Variants in NRG2 observed in about 807,000 individuals in gnomAD.
The protein encoded by NRG2 is neuregulin 2, also known as pro-neuregulin-2, membrane-bound isoform.
A neutral mutation model predicts 73.9 loss-of-function variants in NRG2; 27 were observed. The ratio of observed to expected loss-of-function variants is 0.37; its 90% CI spans 0.27 to 0.50. The LOEUF (loss-of-function observed/expected upper bound fraction) is 0.50, where lower values mean the gene tolerates loss of function less well. NRG2 is among the 20% of genes least tolerant of loss of function. The pLI is 0.96. For synonymous variants in NRG2, 532 were observed against 541.0 expected (o/e 0.98, Z 0.23); for missense variants, 1,126 against 1,210.1 (o/e 0.93, Z 1.03).
At chr5:139,979,462 G>A (rs995428636) in intron 1 of NRG2, among the ~76,000 whole-genome samples, 4 of 152,142 alleles carry the variant, frequency 2.6e-5, no homozygotes, top group African/African-American at 7.2e-5. Flanking sequence ...TCAGCCTCCC[G>A]AAAATCTCCA....
At chr5:139,965,666 G>A (rs1755450040) in intron 1 of NRG2, among the ~76,000 whole-genome samples, 1 of 152,236 alleles carries the variant, frequency 6.6e-6, no homozygotes, top group Admixed American at 6.5e-5. Flanking sequence ...GAGCAGCAAA[G>A]CACAGGGCTA....
chr5:139,951,820 C>T (rs1456939627), intron 1 of NRG2, among the ~76,000 whole-genome samples: 1 of 152,246 alleles, frequency 6.6e-6, no homozygotes, highest in Admixed American at 6.5e-5. Context: ...CTGGCTCACC[C>T]AGGCAGCCTG....
At chr5:140,015,869 C>A (rs1759726213) in intron 1 of NRG2, among the ~76,000 whole-genome samples, 1 of 152,198 alleles carries the variant, frequency 6.6e-6, no homozygotes, top group South Asian at 2.1e-4. Context: ...GCTGTTACGT[C>A]AGGTTTCCAG....
At chr5:139,997,733 A>C (rs1437247758) in intron 1 of NRG2, among the ~76,000 whole-genome samples, 1 of 152,214 alleles carries the variant, frequency 6.6e-6, no homozygotes, top group Non-Finnish European at 1.5e-5. Context: ...CCTAGAATGA[A>C]GCAAATTCCT....
chr5:139,878,769 C>T (rs1001461284), intron 3 of NRG2, among the ~76,000 whole-genome samples: 2 of 152,204 alleles, frequency 1.3e-5, no homozygotes, highest in Non-Finnish European at 2.9e-5. Flanking sequence ...AGGTGCTAGA[C>T]CCCAGACACA....
At chr5:140,004,989 A>C (rs1758775576) in intron 1 of NRG2, among the ~76,000 whole-genome samples, 1 of 152,198 alleles carries the variant, frequency 6.6e-6, no homozygotes, top group Admixed American at 6.5e-5. Flanking sequence ...AGAAAGATTA[A>C]GTCTTTAAAT....
intron 1 of NRG2, among the ~76,000 whole-genome samples, chr5:139,916,469 C>T (rs932716029): frequency 1.3e-5 from 2 of 152,196 alleles, no homozygotes; most frequent in African/African-American, 4.8e-5. Flanking sequence ...ATTCACAGAA[C>T]TGTGCAGCCA....
rs1384597385 is a variant in NRG2 at position 139,848,700 on chromosome 5, G to A, written c.1773-3C>T. On this transcript the variant is annotated splice_region_variant and splice_polypyrimidine_tract_variant and intron_variant, in intron 9 of 9. Coordinates refer to ENST00000361474, the MANE Select transcript of NRG2 (RefSeq NM_004883.3). ...GCGTGGTCAGGGCCGACACGTACCT[G>A]CGGGGAGAGGCAGAGGCATGGGCCA... 2.0e-6 allele frequency: 3 copies of A among 1,517,212 alleles called. No individual in the cohort carries two copies. The highest frequency in any genetic ancestry group is 2.0e-5 in the Admixed American group (1 of 49,706). The allele number at this position is 1,517,212 out of a possible 1,614,324, so 94.0% of individuals were successfully genotyped here. A position where few individuals can be genotyped will look rare whatever the true frequency, so the allele number is the denominator to read the frequency against.
In NRG2 at chr5:140,043,288, C is replaced by T. The variant is rs1762117330; in HGVS notation, c.-219G>A. 1.8e-6 allele frequency: 1 copy of T among 550,662 alleles called. No individual in the cohort carries two copies. The highest frequency in any genetic ancestry group is 3.2e-6 in the Non-Finnish European group (1 of 317,280). 34.1% of individuals were successfully genotyped at this position (550,662 alleles called of 1,614,324 possible). A position where few individuals can be genotyped will look rare whatever the true frequency, so the allele number is the denominator to read the frequency against. ...GCGCTCCCACCCTGTGCGCCAGGAC[C>T]TGGAGGAGGATGCGGAGGATGGGAC... On this transcript the variant is annotated 5_prime_UTR_variant, in exon 1 of 10. Transcript: ENST00000361474. This position sits in a 1 kb window ranked among gnomAD's most constrained non-coding sequence, Gnocchi z 6.7.
At chr5:140,027,769 G>A (rs908944608) in intron 1 of NRG2, among the ~76,000 whole-genome samples, 4 of 152,180 alleles carry the variant, frequency 2.6e-5, no homozygotes, top group Non-Finnish European at 5.9e-5. Flanking sequence ...TATCCCGCAT[G>A]GATTGGGGGG....
At chr5:139,896,804 T>C (rs1764571326) in intron 1 of NRG2, among the ~76,000 whole-genome samples, 1 of 152,052 alleles carries the variant, frequency 6.6e-6, no homozygotes, top group Non-Finnish European at 1.5e-5. Context: ...CACCCCCCAG[T>C]ACCATGACAT....
intron 4 of NRG2, among the ~76,000 whole-genome samples, chr5:139,867,761 C>CCT (rs1186242566): frequency 0.065 from 4,144 of 63,784 alleles, 67 homozygotes; most frequent in Middle Eastern, 0.12. Context: ...GGAAGGGAAA[C>CCT]CTGTGTGTGT....
chr5:139,964,003 A>G (rs1053395913), intron 1 of NRG2, among the ~76,000 whole-genome samples: 1 of 152,152 alleles, frequency 6.6e-6, no homozygotes, highest in Non-Finnish European at 1.5e-5. Flanking sequence ...GAGAAAAAAA[A>G]GGGGGCTCTG....
At chr5:139,944,855 A>G (rs955033727) in intron 1 of NRG2, among the ~76,000 whole-genome samples, 2 of 152,140 alleles carry the variant, frequency 1.3e-5, no homozygotes, top group African/African-American at 4.8e-5. Flanking sequence ...TGGCTGTACT[A>G]GTTTGCATTT....
chr5:140,019,766 T>C (rs532830285), intron 1 of NRG2, among the ~76,000 whole-genome samples: 5 of 152,316 alleles, frequency 3.3e-5, no homozygotes, highest in African/African-American at 1.2e-4. Context: ...TCTATAGAAG[T>C]ACATGCTCAA....
chr5:139,914,636 A>G (rs568609956), intron 1 of NRG2, among the ~76,000 whole-genome samples: 1 of 152,266 alleles, frequency 6.6e-6, no homozygotes, highest in Non-Finnish European at 1.5e-5. Context: ...TCCTCCTATC[A>G]TATACCACCT....
Position 139,848,740 on chromosome 5 carries a change from C to T in NRG2, c.1773-43G>A, listed in dbSNP as rs766308973. ...GGCATGGGCCAGGGCCAGGCCGGGC[C>T]GGCGCGGGGGAGGGGGGGTTGGGGG... On this transcript the variant is annotated intron_variant, in intron 9 of 9. Transcript: ENST00000361474. 9.9e-6 allele frequency: 4 copies of T among 403,292 alleles called. No homozygotes were observed. The African/African-American group carries it at 1.4e-4, about 14-fold the overall frequency. The allele number at this position is 403,292 out of a possible 1,614,324, so 25.0% of individuals were successfully genotyped here.
rs758966221 is a variant in NRG2 at position 139,904,444 on chromosome 5, C to G, written c.701-16933G>C. On this transcript the variant is annotated intron_variant, in intron 1 of 9. Coordinates refer to ENST00000361474, the MANE Select transcript of NRG2 (RefSeq NM_004883.3). This position sits in a 1 kb window ranked among gnomAD's most constrained non-coding sequence, Gnocchi z 6.0. ...TGGGACGGCCTCAGCTCTCCGCTGC[C>G]GCGCTGCGCCCCCGCCGCCTGCAGC... 1.1e-5 allele frequency: 13 copies of G among 1,179,044 alleles called. No individual in the cohort carries two copies. The highest frequency in any genetic ancestry group is 5.9e-5 in the Admixed American group (3 of 50,866). 73.0% of individuals were successfully genotyped at this position (1,179,044 alleles called of 1,614,324 possible). A position where few individuals can be genotyped will look rare whatever the true frequency, so the allele number is the denominator to read the frequency against.
chr5:139,916,938 T>C (rs1433153263), intron 1 of NRG2, among the ~76,000 whole-genome samples: 1 of 152,218 alleles, frequency 6.6e-6, no homozygotes, highest in Non-Finnish European at 1.5e-5. Flanking sequence ...CACTTGGAAG[T>C]AAGATTGCTC....
Sources: allele counts gnomAD v4.1 joint callset (sites outside exome capture counted in the v4.1 genomes callset), GRCh38; gene constraint gnomAD v4.1.1; non-coding constraint Gnocchi (gnomAD v3.1); transcripts MANE v1.5; gene names NCBI Gene and HGNC (gene_info 2026-07-23, HGNC 2026-07-21).